Variants in DNM1 observed in about 807,000 individuals in gnomAD.
DNM1 encodes dynamin-1.
In DNM1, 29 loss-of-function variants were observed where a neutral mutation model predicts 104.6. That is an observed-to-expected ratio of 0.28 (90% CI 0.21 to 0.38). The LOEUF is 0.38. Ranked by LOEUF, DNM1 falls within the 10% of genes least tolerant of loss-of-function variation. The probability of loss-of-function intolerance (pLI) is 1.00; values close to 1 mark genes in which losing one functional copy is unlikely to be tolerated. For missense variants in DNM1, 640 were observed against 1,189.4 expected (o/e 0.54, Z 6.79); for synonymous variants, 445 against 475.8 (o/e 0.94, Z 0.84).
intron 1 of DNM1, among the ~76,000 whole-genome samples, chr9:128,209,398 G>A (rs1834160916): frequency 6.6e-6 from 1 of 152,298 alleles, no homozygotes; most frequent in East Asian, 1.9e-4. Context: ...GTGGGAGAGT[G>A]GAGAGGGTGG....
intron 6 of DNM1, among the ~76,000 whole-genome samples, chr9:128,221,905 A>C (rs1835046212): frequency 6.6e-6 from 1 of 152,194 alleles, no homozygotes; most frequent in Admixed American, 6.6e-5. Flanking sequence ...TCTCAAAAAA[A>C]TAATAATAAT....
At chr9:128,244,607 C>A in intron 15 of DNM1, 1 of 343,974 alleles carries the variant, frequency 2.9e-6, no homozygotes, top group Admixed American at 3.1e-5. Context: ...CAGGGTGGCA[C>A]CCCCATCCAT....
In DNM1 at chr9:128,218,908, G is replaced by A; in HGVS notation, c.386-141G>A. The A allele has an allele frequency of 7.8e-7, 1 of 1,279,884 alleles. No homozygotes were observed. The allele number at this position is 1,279,884 out of a possible 1,614,324, so 79.3% of individuals were successfully genotyped here. ...CTTCCGGCCACGCCTCCAACAGACT[G>A]CCACTTTCGCCCTGAGATTTCCTAG... is the stretch of plus-strand genomic sequence containing the variant. On this transcript the variant is annotated intron_variant, in intron 3 of 21. Coordinates refer to ENST00000372923, the MANE Select transcript of DNM1 (RefSeq NM_004408.4). The surrounding 1 kb of genome is among the most constrained non-coding windows in gnomAD (Gnocchi z 4.8).
chr9:128,249,526 C>T (rs1829378722), intron 19 of DNM1, among the ~76,000 whole-genome samples: 3 of 151,192 alleles, frequency 2.0e-5, no homozygotes, highest in Admixed American at 2.0e-4. Flanking sequence ...CGTGGTGGCA[C>T]ATGCCTGTAA....
Position 128,235,433 on chromosome 9 carries a change from G to A in DNM1, c.1422+1326G>A, listed in dbSNP as rs530581418. Among the ~76,000 whole-genome samples, 13 of 151,900 alleles carry A rather than the reference G, an allele frequency of 8.6e-5. No individual in the cohort carries two copies. In the East Asian group the frequency reaches 2.3e-3, roughly 27 times the overall value. On this transcript the variant is annotated intron_variant, in intron 11 of 21. Coordinates refer to ENST00000372923, the MANE Select transcript of DNM1 (RefSeq NM_004408.4). ...CACTTGAACCCGGGAGGCAGAGATTGCAGTGAGCTGAGATCATGCCATTGC... is the reference window on the plus strand; with the variant it reads ...CACTTGAACCCGGGAGGCAGAGATTACAGTGAGCTGAGATCATGCCATTGC...
intron 14 of DNM1, among the ~76,000 whole-genome samples, chr9:128,241,660 G>A (rs935455080): frequency 6.6e-6 from 1 of 152,076 alleles, no homozygotes; most frequent in Non-Finnish European, 1.5e-5. Flanking sequence ...ATTAAAAATC[G>A]AAGCCCTTGT....
In DNM1 at chr9:128,247,617, C is replaced by A; in HGVS notation, c.1893+131C>A. The A allele has an allele frequency of 1.3e-6, 1 of 788,778 alleles. No individual in the cohort carries two copies. Among genetic ancestry groups the A allele is most frequent in the South Asian group, 1.7e-5 (1 of 57,380 alleles). 48.9% of individuals were successfully genotyped at this position (788,778 alleles called of 1,614,324 possible). A position where few individuals can be genotyped will look rare whatever the true frequency, so the allele number is the denominator to read the frequency against. On this transcript the variant is annotated intron_variant, in intron 17 of 21. Transcript: ENST00000372923. The surrounding 1 kb of genome is among the most constrained non-coding windows in gnomAD (Gnocchi z 5.1). ...CTCAGAAATAATAGGAATCCTCCCC[C>A]CTACCCACTCTGGGGGTGGGAACAG... is the stretch of plus-strand genomic sequence containing the variant.
At chr9:128,216,323 C>T (rs942938286) in intron 1 of DNM1, among the ~76,000 whole-genome samples, 2 of 152,198 alleles carry the variant, frequency 1.3e-5, no homozygotes, top group East Asian at 1.9e-4. Flanking sequence ...TTTGAATCCC[C>T]ACTCTGCTGT....
At position 128,220,163 on chromosome 9, in the gene DNM1, C is replaced by T; in HGVS notation, c.689-18C>T. On this transcript the variant is annotated intron_variant, in intron 5 of 21. Transcript: ENST00000372923. This position sits in a 1 kb window ranked among gnomAD's most constrained non-coding sequence, Gnocchi z 5.2. The stretch of plus-strand genomic sequence containing the variant: ...CTCCTCTTGAGGCTGGTTGCCCTGA[C>T]CTTGATACTGTTCACAGGCTACATT... 1 of 1,614,162 alleles carries T rather than the reference C, an allele frequency of 6.2e-7. No homozygotes were observed.
Position 128,218,112 on chromosome 9 carries a change from A to G in DNM1, c.162-119A>G. 7 of 905,440 alleles carry G rather than the reference A, an allele frequency of 7.7e-6. No individual in the cohort carries two copies. The South Asian group carries it at 9.2e-5, about 12-fold the overall frequency. The allele number at this position is 905,440 out of a possible 1,614,324, so 56.1% of individuals were successfully genotyped here. On this transcript the variant is annotated intron_variant, in intron 1 of 21. Coordinates refer to ENST00000372923, the MANE Select transcript of DNM1 (RefSeq NM_004408.4). This position sits in a 1 kb window ranked among gnomAD's most constrained non-coding sequence, Gnocchi z 4.8. ...GTTACCTGAAGCCCCTGGGCTAAGG[A>G]GCGGTGGAGCCAGCACTTTGGAAGG...
In DNM1 at chr9:128,224,134, G is replaced by A; in HGVS notation, c.1197-117G>A. 1.5e-6 allele frequency: 2 copies of A among 1,327,530 alleles called. No homozygotes were observed. The highest frequency in any genetic ancestry group is 2.4e-5 in the East Asian group (1 of 41,328). 82.2% of individuals were successfully genotyped at this position (1,327,530 alleles called of 1,614,324 possible). On this transcript the variant is annotated intron_variant, in intron 9 of 21. Transcript: ENST00000372923. The surrounding 1 kb of genome is among the most constrained non-coding windows in gnomAD (Gnocchi z 4.3). ...ACTGGGGACACTGAGGCCCAGAGAG[G>A]GGTAGTGGAAGGGCCCCTCAGGCAG...
At chr9:128,216,011 C>T (rs945761499) in intron 1 of DNM1, among the ~76,000 whole-genome samples, 15 of 152,188 alleles carry the variant, frequency 9.9e-5, no homozygotes, top group African/African-American at 2.9e-4. Flanking sequence ...AGATTGAGAC[C>T]GGAAGTCCTC....
rs1833636318 is a variant in DNM1, at chr9:128,203,699, A to G, written c.161+68A>G. On this transcript the variant is annotated intron_variant, in intron 1 of 21. Transcript: ENST00000372923. This position sits in a 1 kb window ranked among gnomAD's most constrained non-coding sequence, Gnocchi z 5.3. ...GATCCCTGGAGTCCCCGCCCGGGGC[A>G]CTGACGGCGCGGCGACCTCGCAGCC... 2 of 1,335,148 alleles carry G rather than the reference A, an allele frequency of 1.5e-6. No individual in the cohort carries two copies. Among genetic ancestry groups the G allele is most frequent in the Admixed American group, 8.1e-5 (2 of 24,686 alleles). The allele number at this position is 1,335,148 out of a possible 1,614,324, so 82.7% of individuals were successfully genotyped here. A position where few individuals can be genotyped will look rare whatever the true frequency, so the allele number is the denominator to read the frequency against.
rs761716335 is a variant in DNM1, at chr9:128,245,533, C to A, written c.1672-861C>A. ...AGCCTACATACACATGTGCCCACAC[C>A]GAGCACACACATGGGCCTAGCACCC... On this transcript the variant is annotated intron_variant, in intron 15 of 21. Coordinates refer to ENST00000372923, the MANE Select transcript of DNM1 (RefSeq NM_004408.4). This position sits in a 1 kb window ranked among gnomAD's most constrained non-coding sequence, Gnocchi z 5.2. 1.3e-5 allele frequency among the ~76,000 whole-genome samples: 2 copies of A among 152,056 alleles called. No individual in the cohort carries two copies. The highest frequency in any genetic ancestry group is 2.9e-5 in the Non-Finnish European group (2 of 67,990).
At chr9:128,226,208 C>A in intron 10 of DNM1, 1 of 1,609,424 alleles carries the variant, frequency 6.2e-7, no homozygotes, top group Non-Finnish European at 8.5e-7. Context: ...TGGGCCTGGC[C>A]GTCCATTCCT....
Position 128,203,794 on chromosome 9 carries a change from C to T in DNM1, c.161+163C>T, listed in dbSNP as rs1198503127. Reference sequence around the variant, plus strand: ...GAGCGAGGAGGCCCTCCCCCCACCACGAGAGCCCCTCGGGGCAGCAGCGCC... The same window carrying T: ...GAGCGAGGAGGCCCTCCCCCCACCATGAGAGCCCCTCGGGGCAGCAGCGCC... On this transcript the variant is annotated intron_variant, in intron 1 of 21. Coordinates refer to ENST00000372923, the MANE Select transcript of DNM1 (RefSeq NM_004408.4). This position sits in a 1 kb window ranked among gnomAD's most constrained non-coding sequence, Gnocchi z 5.3. Among the ~76,000 whole-genome samples the T allele has an allele frequency of 6.7e-6, 1 of 149,912 alleles. No homozygotes were observed. Among genetic ancestry groups the T allele is most frequent in the Non-Finnish European group, 1.5e-5 (1 of 67,190 alleles).
intron 13 of DNM1, 72 bp downstream of exon 13, chr9:128,239,851 T>G (rs1836256279): frequency 6.4e-7 from 1 of 1,571,912 alleles, no homozygotes; most frequent in African/African-American, 1.4e-5. Context: ...GAGAGCCCCC[T>G]CCCCTGAGGG....
chr9:128,250,088 C>T (rs1829422690), intron 19 of DNM1, 27 bp from the exon 20 acceptor site: 1 of 1,613,784 alleles, frequency 6.2e-7, no homozygotes, highest in Non-Finnish European at 8.5e-7. Context: ...CAGGTCCCCA[C>T]CTCCTTCCCT....
chr9:128,241,905 T>C (rs1836390061), intron 14 of DNM1, among the ~76,000 whole-genome samples: 1 of 152,212 alleles, frequency 6.6e-6, no homozygotes, highest in Admixed American at 6.5e-5. Context: ...AGACTCGCAG[T>C]TGGCTTCCCC....
Sources: allele counts gnomAD v4.1 joint callset (sites outside exome capture counted in the v4.1 genomes callset), GRCh38; gene constraint gnomAD v4.1.1; non-coding constraint Gnocchi (gnomAD v3.1); transcripts MANE v1.5; gene names NCBI Gene and HGNC (gene_info 2026-07-23, HGNC 2026-07-21).